Variants in ZC4H2 observed in about 807,000 individuals in gnomAD.
ZC4H2 encodes the protein zinc finger C4H2-type containing, also known as zinc finger C4H2 domain-containing protein.
For synonymous variants in ZC4H2, 84 were observed against 66.3 expected, an observed-to-expected ratio of 1.27 and a Z score of -1.30; for missense variants, 137 against 173.9, an observed-to-expected ratio of 0.79 and a Z score of 1.19.
chrX:64,958,894 C>T (rs1453721754), intron 1 of ZC4H2, among the ~76,000 whole-genome samples: 5 of 111,330 alleles, frequency 4.5e-5, no homozygotes, highest in African/African-American at 1.3e-4. Flanking sequence ...GATCTCATTT[C>T]TCTCTTAAAC....
intron 1 of ZC4H2, among the ~76,000 whole-genome samples, chrX:64,966,308 AT>A (rs996833151): frequency 1.8e-5 from 2 of 112,542 alleles, no homozygotes; most frequent in Non-Finnish European, 3.8e-5. Flanking sequence ...ACTAACAAGT[AT>A]TGTTGAGGAT....
chrX:65,022,870 C>T (rs931845403), intron 1 of ZC4H2, among the ~76,000 whole-genome samples: 7 of 111,989 alleles, frequency 6.3e-5, no homozygotes, highest in African/African-American at 9.7e-5. Context: ...GGCCAAACTG[C>T]GCAAGGTAAT....
At chrX:64,922,418 C>T (rs1929244303) in intron 1 of ZC4H2, among the ~76,000 whole-genome samples, 1 of 111,996 alleles carries the variant, frequency 8.9e-6, no homozygotes. Context: ...GCACTCCAAC[C>T]TAGGTGACAG....
chrX:64,935,928 G>A, intron 1 of ZC4H2, among the ~76,000 whole-genome samples: 1 of 111,100 alleles, frequency 9.0e-6, no homozygotes, highest in Non-Finnish European at 1.9e-5. Flanking sequence ...TGAGTTTGAT[G>A]AACAGACAGA....
At position 65,018,713 on chromosome X, in the gene ZC4H2, A is replaced by G. The variant is rs779346723; in HGVS notation, c.-272+15916T>C. On this transcript the variant is annotated intron_variant, in intron 1 of 4. Coordinates refer to the ZC4H2 transcript ENST00000337990. Reference sequence around the variant, plus strand: ...GTTCACTCCCCTGGAAAGGGGGCTGAAGCTAGGGAGCCAAGTAGTCTGGCT... The same window carrying G: ...GTTCACTCCCCTGGAAAGGGGGCTGGAGCTAGGGAGCCAAGTAGTCTGGCT... 1.1e-3 allele frequency among the ~76,000 whole-genome samples: 117 copies of G among 110,196 alleles called. 2 individuals are homozygous for G. Among genetic ancestry groups the G allele is most frequent in the Admixed American group, 5.0e-3 (52 of 10,406 alleles).
chrX:65,031,529 A>AG (rs2147298613), intron 1 of ZC4H2, among the ~76,000 whole-genome samples: 1 of 111,501 alleles, frequency 9.0e-6, no homozygotes, highest in East Asian at 2.8e-4. Context: ...AAGGTGAATA[A>AG]GGAAAAAAAA....
At chrX:65,016,021 A>C (rs1169857101) in intron 1 of ZC4H2, among the ~76,000 whole-genome samples, 1 of 111,978 alleles carries the variant, frequency 8.9e-6, no homozygotes, top group Non-Finnish European at 1.9e-5. Context: ...TTTAAAATGA[A>C]TTACTCTCCT....
At position 64,995,139 on chromosome X, in the gene ZC4H2, G is replaced by T. The variant is rs770896456; in HGVS notation, c.-272+39490C>A. ...AAAAAAAAAAAAAAGGATTTTCTAG[G>T]TAATATCAGGAAAATGGCAGAGTAA... is the stretch of plus-strand genomic sequence containing the variant. On this transcript the variant is annotated intron_variant, in intron 1 of 4. Transcript: ENST00000337990. Among the ~76,000 whole-genome samples, 8 of 107,541 alleles carry T rather than the reference G, an allele frequency of 7.4e-5. No individual in the cohort carries two copies. In the South Asian group the frequency reaches 3.4e-3, roughly 45 times the overall value. 93.4% of individuals were successfully genotyped at this position (107,541 alleles called of 115,157 possible). A position where few individuals can be genotyped will look rare whatever the true frequency, so the allele number is the denominator to read the frequency against.
At chrX:64,938,823 C>T (rs779862371) in intron 1 of ZC4H2, among the ~76,000 whole-genome samples, 2 of 111,804 alleles carry the variant, frequency 1.8e-5, no homozygotes, top group East Asian at 2.8e-4. Context: ...AAACCTACAG[C>T]GAATATCATA....
intron 1 of ZC4H2, among the ~76,000 whole-genome samples, chrX:65,003,964 T>C (rs1440708163): frequency 1.8e-5 from 2 of 110,766 alleles, no homozygotes; most frequent in Admixed American, 9.5e-5. Context: ...AACACCTCTA[T>C]GCAAATAAAC....
chrX:64,988,970 T>C (rs1199108773), intron 1 of ZC4H2, among the ~76,000 whole-genome samples: 1 of 112,229 alleles, frequency 8.9e-6, no homozygotes, highest in Non-Finnish European at 1.9e-5. Flanking sequence ...ATTTATTAAA[T>C]AAGGAATCCT....
At chrX:65,011,143 A>G (rs1415891994) in intron 1 of ZC4H2, among the ~76,000 whole-genome samples, 2 of 112,156 alleles carry the variant, frequency 1.8e-5, no homozygotes, top group Non-Finnish European at 3.8e-5. Context: ...GCCAAGCATA[A>G]GGCAAAGAGC....
At chrX:64,935,399 C>T (rs1017571801) in intron 1 of ZC4H2, among the ~76,000 whole-genome samples, 2 of 112,022 alleles carry the variant, frequency 1.8e-5, no homozygotes, top group South Asian at 3.8e-4. Flanking sequence ...GACACAGCTT[C>T]GGCAGACTTA....
At chrX:65,028,494 G>A (rs1357113884) in intron 1 of ZC4H2, among the ~76,000 whole-genome samples, 1 of 111,006 alleles carries the variant, frequency 9.0e-6, no homozygotes, top group East Asian at 2.8e-4. Context: ...TCTGTGAGAA[G>A]GTGAAATCAT....
chrX:65,012,205 G>A (rs1932760464), intron 1 of ZC4H2, among the ~76,000 whole-genome samples: 1 of 87,255 alleles, frequency 1.1e-5, no homozygotes, highest in Non-Finnish European at 2.2e-5. Flanking sequence ...TCCAGCCTGG[G>A]TGACAGAAGA....
chrX:64,933,032 C>T (rs1316523113), intron 1 of ZC4H2, among the ~76,000 whole-genome samples: 1 of 111,569 alleles, frequency 9.0e-6, no homozygotes, highest in Non-Finnish European at 1.9e-5. Flanking sequence ...ATCCCATATT[C>T]CTTGGAGACT....
At chrX:64,921,755 C>T (rs1159708296) in intron 2 of ZC4H2, 62 bp downstream of exon 2, 5 of 1,138,968 alleles carry the variant, frequency 4.4e-6, no homozygotes, top group South Asian at 2.0e-5. Context: ...AGGAAAGGCC[C>T]TATCATTCAC....
intron 1 of ZC4H2, among the ~76,000 whole-genome samples, chrX:65,030,200 CT>C (rs1461170234): frequency 2.7e-5 from 3 of 111,671 alleles, no homozygotes; most frequent in Non-Finnish European, 5.6e-5. Flanking sequence ...TCACTGCAAC[CT>C]CTGTCTCCTG....
chrX:64,950,231 GT>G (rs1569212863), intron 1 of ZC4H2, among the ~76,000 whole-genome samples: 1 of 111,665 alleles, frequency 9.0e-6, no homozygotes, highest in Non-Finnish European at 1.9e-5. Context: ...TATAATTTCT[GT>G]TCTTTTACAT....
Sources: gnomAD v4.1 joint callset for allele counts (sites outside exome capture counted in the v4.1 genomes callset) on GRCh38, gnomAD v4.1.1 for gene constraint, MANE v1.5 for transcripts, NCBI Gene and HGNC (gene_info 2026-07-23, HGNC 2026-07-21) for gene names.